NRDE2: variants seen among roughly 807,000 people sequenced by gnomAD.
NRDE2 encodes nuclear exosome regulator NRDE2.
A neutral mutation model predicts 124.2 loss-of-function variants in NRDE2; 76 were observed. That is an observed-to-expected ratio of 0.61 (90% CI 0.51 to 0.74). NRDE2 has a LOEUF of 0.74. NRDE2 is among the 30% of genes least tolerant of loss of function. The pLI, the probability that NRDE2 is intolerant of heterozygous loss-of-function variation, is 0.00. For synonymous variants in NRDE2, 489 were observed against 528.1 expected, an observed-to-expected ratio of 0.93 and a Z score of 1.01; for missense variants, 1,314 against 1,417.3, an observed-to-expected ratio of 0.93 and a Z score of 1.17.
chr14:90,288,370 C>G lies in NRDE2; in HGVS notation c.3005G>C (p.Arg1002Thr). 2 of 1,614,172 alleles carry G rather than the reference C, an allele frequency of 1.2e-6. No individual in the cohort carries two copies. The highest frequency in any genetic ancestry group is 4.5e-5 in the East Asian group (2 of 44,874). ...CTTATTCTGAATCTGTACATAGGAC[C>G]TCCAAAGAACCTGGTTGCCTGGATA... ...KLYPGNQVLW[R>T]SYVQIQNKSH... is the part of the protein sequence containing the mutation. Residue 1002 changes from arginine (R) to threonine (T), a missense_variant, in exon 11 of 14, where the codon AGG becomes ACG. Arg to Thr is a moderately conservative substitution (Grantham distance 71, BLOSUM62 -1). Coordinates refer to ENST00000354366, the MANE Select transcript of NRDE2 (RefSeq NM_017970.4).
chr14:90,278,753 C>T (rs986738760), intron 13 of NRDE2: 47 of 534,784 alleles, frequency 8.8e-5, no homozygotes, highest in Admixed American at 3.8e-4. Context: ...CTGACCTGGG[C>T]TCTCACAGCC....
chr14:90,300,675 G>T (rs952236990), intron 7 of NRDE2, among the ~76,000 whole-genome samples: 1 of 150,060 alleles, frequency 6.7e-6, no homozygotes, highest in Non-Finnish European at 1.5e-5. Context: ...AGGTATCTCT[G>T]TGTAATTTCA....
chr14:90,317,847 T>C (rs183249554), intron 2 of NRDE2, 158 bp downstream of exon 2: 6 of 547,648 alleles, frequency 1.1e-5, no homozygotes, highest in Admixed American at 1.1e-4. Context: ...AAAAAAAGAA[T>C]ACAAGAGGTA....
rs752395485 is a variant in NRDE2 at position 90,288,284 on chromosome 14, A to G, written c.3091T>C (p.Leu1031=). ...FDTITRSAKP[L]EPWLFAIEAE... ...TCAATTGCAAACAACCAAGGCTCCA[A>G]GGGTTTGGCAGACCTGGTGATTGTG... The change falls in exon 11 of 14, where the codon TTG becomes CTG. Residue 1031 remains leucine (L), a synonymous_variant. Transcript: ENST00000354366. 1 of 1,614,128 alleles carries G rather than the reference A, an allele frequency of 6.2e-7. No homozygotes were observed. The highest frequency in any genetic ancestry group is 8.5e-7 in the Non-Finnish European group (1 of 1,180,026).
intron 1 of NRDE2, among the ~76,000 whole-genome samples, chr14:90,329,116 T>C (rs1469520637): frequency 6.6e-6 from 1 of 152,218 alleles, no homozygotes; most frequent in Non-Finnish European, 1.5e-5. Flanking sequence ...ATTGTAGATA[T>C]CCAGAGGATG....
Position 90,288,255 on chromosome 14 carries a change from A to G in NRDE2, c.3120T>C (p.Ala1040=). The G allele has an allele frequency of 6.2e-7, 1 of 1,613,998 alleles. No homozygotes were observed. The highest frequency in any genetic ancestry group is 8.5e-7 in the Non-Finnish European group (1 of 1,179,914). The change falls in exon 11 of 14, where the codon GCT becomes GCC. Residue 1040 remains alanine (A), a synonymous_variant. Coordinates refer to ENST00000354366, the MANE Select transcript of NRDE2 (RefSeq NM_017970.4). ...CCACCAGTCTCTTCCTCAGTTTCTC[A>G]GCTTCAATTGCAAACAACCAAGGCT... is the stretch of plus-strand genomic sequence containing the variant. ...PLEPWLFAIE[A]EKLRKRLVET... is the part of the protein sequence containing the mutation.
intron 3 of NRDE2, among the ~76,000 whole-genome samples, chr14:90,315,115 T>TGCAGTGAGCCGAGATC (rs1267487436): frequency 7.0e-6 from 1 of 141,976 alleles, no homozygotes; most frequent in African/African-American, 2.7e-5. Flanking sequence ...AGGCAGAGGT[T>TGCAGTGAGCCGAGATC]GCAGTGAGCC....
At position 90,304,116 on chromosome 14, in the gene NRDE2, T is replaced by C. The variant is rs1301391644; in HGVS notation, c.824A>G (p.Tyr275Cys). The C allele has an allele frequency of 1.9e-6, 3 of 1,614,200 alleles. No homozygotes were observed. The highest frequency in any genetic ancestry group is 2.5e-6 in the Non-Finnish European group (3 of 1,180,026). Residue 275 changes from tyrosine to cysteine, a missense_variant, in exon 5 of 14, where the codon TAT (tyrosine) becomes TGT (cysteine). Transcript: ENST00000354366. ...VTTWLNPLGIYDQSTTHWLQG... is the reference protein window; with the variant it reads ...VTTWLNPLGICDQSTTHWLQG... Reference sequence around the variant, plus strand: ...TAGCCAATGTGTGGTTGACTGATCATAAATCCCCAGAGGATTCAACCAGGT... The same window carrying C: ...TAGCCAATGTGTGGTTGACTGATCACAAATCCCCAGAGGATTCAACCAGGT...
intron 5 of NRDE2, 44 bp downstream of exon 5, chr14:90,303,891 G>C: frequency 6.5e-7 from 1 of 1,529,378 alleles, no homozygotes; most frequent in South Asian, 1.3e-5. Context: ...CCCAAAATCA[G>C]GAATGTCCTT....
rs1316618665 is a variant in NRDE2 at position 90,278,284 on chromosome 14, C to T, written c.*52G>A. The T allele has an allele frequency of 1.5e-5, 24 of 1,611,688 alleles. No individual in the cohort carries two copies. The highest frequency in any genetic ancestry group is 8.9e-5 in the East Asian group (4 of 44,830). ...GTTCTCTGCTCGCGCCTCCTAGCTC[C>T]GCAGGGTGGGCAACTTGGCCTCGCA... On this transcript the variant is annotated 3_prime_UTR_variant, in exon 14 of 14. Coordinates refer to ENST00000354366, the MANE Select transcript of NRDE2 (RefSeq NM_017970.4).
intron 1 of NRDE2, among the ~76,000 whole-genome samples, chr14:90,326,566 T>C (rs926050563): frequency 2.8e-5 from 4 of 142,340 alleles, no homozygotes; most frequent in African/African-American, 1.0e-4. Context: ...GGAAAAAAAA[T>C]GGGAGGATAC....
At chr14:90,327,163 G>A (rs1199744335) in intron 1 of NRDE2, among the ~76,000 whole-genome samples, 4 of 152,132 alleles carry the variant, frequency 2.6e-5, no homozygotes, top group Non-Finnish European at 4.4e-5. Context: ...GGATTCCCTG[G>A]AGAAATGGCC....
In NRDE2 at chr14:90,270,047, T is replaced by C; in HGVS notation, c.*8289A>G. On this transcript the variant is annotated 3_prime_UTR_variant, in exon 14 of 14. Coordinates refer to ENST00000354366, the MANE Select transcript of NRDE2 (RefSeq NM_017970.4). The stretch of plus-strand genomic sequence containing the variant: ...TGTAGAAATCTACAAACTACAAAAA[T>C]ATATGTTTACTTTTTAAAATTTAGA... 1 of 763,998 alleles carries C rather than the reference T, an allele frequency of 1.3e-6. No homozygotes were observed. The highest frequency in any genetic ancestry group is 2.1e-6 in the Non-Finnish European group (1 of 487,422). The allele number at this position is 763,998 out of a possible 1,614,324, so 47.3% of individuals were successfully genotyped here.
chr14:90,291,720 C>G (rs1409272152), intron 9 of NRDE2, among the ~76,000 whole-genome samples: 1 of 152,240 alleles, frequency 6.6e-6, no homozygotes, highest in Non-Finnish European at 1.5e-5. Context: ...CCCCACTTCT[C>G]TGTGTCCTCA....
Position 90,270,170 on chromosome 14 carries a change from G to C in NRDE2, c.*8166C>G. 3.1e-6 allele frequency: 5 copies of C among 1,609,144 alleles called. No homozygotes were observed. Among genetic ancestry groups the C allele is most frequent in the Middle Eastern group, 1.7e-4 (1 of 6,036 alleles). ...GCCGAGCCTGGGTTTGGATGTTGGT[G>C]TGACTTCAAATCTCTTTGTACCTGC... On this transcript the variant is annotated 3_prime_UTR_variant, in exon 14 of 14. Transcript: ENST00000354366.
chr14:90,287,347 G>A (rs1892135890), intron 11 of NRDE2, among the ~76,000 whole-genome samples: 1 of 152,186 alleles, frequency 6.6e-6, no homozygotes, highest in African/African-American at 2.4e-5. Flanking sequence ...GCCGGACACT[G>A]TGGCTCCCTC....
chr14:90,329,437 C>T (rs1361207255), intron 1 of NRDE2, among the ~76,000 whole-genome samples: 1 of 152,176 alleles, frequency 6.6e-6, no homozygotes, highest in African/African-American at 2.4e-5. Context: ...CAGTGGCTCA[C>T]GCCTGTAATT....
intron 1 of NRDE2, among the ~76,000 whole-genome samples, chr14:90,330,139 G>A (rs1174039508): frequency 5.3e-5 from 8 of 151,028 alleles, no homozygotes; most frequent in East Asian, 1.9e-4. Flanking sequence ...CCCAGGAGGC[G>A]AAGGCTGCAG....
intron 1 of NRDE2, among the ~76,000 whole-genome samples, chr14:90,320,225 G>A (rs961933856): frequency 2.0e-5 from 3 of 152,248 alleles, no homozygotes; most frequent in Non-Finnish European, 2.9e-5. Context: ...ATAAAGGAAA[G>A]AGGTTTAATT....
Sources: gnomAD v4.1 joint callset for allele counts (sites outside exome capture counted in the v4.1 genomes callset) on GRCh38, gnomAD v4.1.1 for gene constraint, MANE v1.5 for transcripts, NCBI Gene and HGNC (gene_info 2026-07-23, HGNC 2026-07-21) for gene names.